TMCO1: variants seen among roughly 807,000 people sequenced by gnomAD.
TMCO1 encodes calcium load-activated calcium channel.
A neutral mutation model predicts 29.3 loss-of-function variants in TMCO1; 29 were observed. The ratio of observed to expected loss-of-function variants is 0.99; its 90% CI spans 0.74 to 1.35. TMCO1 has a LOEUF of 1.35. Ranked by LOEUF, TMCO1 falls within the 40% of genes most tolerant of loss-of-function variation. The pLI is 0.00. For synonymous variants in TMCO1, 80 were observed against 77.1 expected, an observed-to-expected ratio of 1.04 and a Z score of -0.20; for missense variants, 173 against 225.5, an observed-to-expected ratio of 0.77 and a Z score of 1.49.
chr1:165,751,571 G>A (rs1051355922), intron 5 of TMCO1, among the ~76,000 whole-genome samples: 6 of 151,984 alleles, frequency 3.9e-5, no homozygotes, highest in Admixed American at 1.3e-4. Flanking sequence ...GGGCATGGTG[G>A]TGCATGCCTG....
chr1:165,743,430 G>C (rs1651676217), intron 5 of TMCO1, 119 bp from the exon 6 acceptor site: 3 of 1,044,378 alleles, frequency 2.9e-6, no homozygotes, highest in African/African-American at 3.3e-5. Flanking sequence ...GAAAAACAAA[G>C]AGAGGGTGAC....
chr1:165,751,032 T>C (rs898579082), intron 5 of TMCO1, among the ~76,000 whole-genome samples: 3 of 152,106 alleles, frequency 2.0e-5, no homozygotes, highest in Non-Finnish European at 4.4e-5. Context: ...ATCGCGCCAC[T>C]GCACTCCCGC....
Position 165,761,224 on chromosome 1 carries a change from G to C in TMCO1, c.149-1640C>G, listed in dbSNP as rs553537622. On this transcript the variant is annotated intron_variant, in intron 2 of 6. Coordinates refer to ENST00000367881, the MANE Select transcript of TMCO1 (RefSeq NM_019026.6). ...TCTGGAAGACTAAGTAACAGATACTGTTCTAGGTAAATAGAAAGGTAAGAT... is the reference window on the plus strand; with the variant it reads ...TCTGGAAGACTAAGTAACAGATACTCTTCTAGGTAAATAGAAAGGTAAGAT... Among the ~76,000 whole-genome samples, 4 of 152,120 alleles carry C rather than the reference G, an allele frequency of 2.6e-5. 1 individual carries two copies. In the South Asian group the frequency reaches 8.3e-4, roughly 32 times the overall value.
At chr1:165,725,624 T>G (rs1463002082), downstream of TMCO1, 1 of 454,012 alleles carries the variant, frequency 2.2e-6, no homozygotes, top group Non-Finnish European at 4.4e-6. Context: ...TGAGAGATGT[T>G]CAGAGGCCTG....
chr1:165,750,810 C>T (rs1160833407), intron 5 of TMCO1, among the ~76,000 whole-genome samples: 2 of 152,154 alleles, frequency 1.3e-5, no homozygotes, highest in Admixed American at 6.6e-5. Flanking sequence ...TGGCTCACGC[C>T]TGTAATCCCA....
At chr1:165,748,086 G>A (rs1416211090) in intron 5 of TMCO1, among the ~76,000 whole-genome samples, 4 of 151,880 alleles carry the variant, frequency 2.6e-5, no homozygotes, top group African/African-American at 9.7e-5. Context: ...TTGAACCCGG[G>A]AGGTGGAGGT....
chr1:165,753,109 G>A (rs1652060777), intron 4 of TMCO1, among the ~76,000 whole-genome samples: 1 of 152,134 alleles, frequency 6.6e-6, no homozygotes, highest in Non-Finnish European at 1.5e-5. Context: ...AAATAATGAG[G>A]AAATTGGTAG....
intron 6 of TMCO1, among the ~76,000 whole-genome samples, chr1:165,731,580 G>A (rs1407995436): frequency 1.3e-5 from 2 of 152,174 alleles, no homozygotes; most frequent in Admixed American, 6.5e-5. Context: ...TAGGTTTACC[G>A]TGATTTAAAG....
At chr1:165,733,400 G>A (rs1030603720) in intron 6 of TMCO1, among the ~76,000 whole-genome samples, 11 of 152,058 alleles carry the variant, frequency 7.2e-5, no homozygotes, top group African/African-American at 2.2e-4. Context: ...TTGGGAGGCC[G>A]AGGTGGGTGG....
intron 5 of TMCO1, among the ~76,000 whole-genome samples, chr1:165,744,046 G>A (rs73022524): frequency 0.013 from 2,011 of 151,998 alleles, 54 homozygotes; most frequent in African/African-American, 0.047. Flanking sequence ...TTTTAGTAGA[G>A]ACAGGGTTTC....
At position 165,727,708 on chromosome 1, in the gene TMCO1, C is replaced by T. The variant is rs1350702099; in HGVS notation, c.*315G>A. On this transcript the variant is annotated 3_prime_UTR_variant, in exon 7 of 7. Transcript: ENST00000367881. ...GCCAACTTGCAGGGCATACACAGTG[C>T]CTTGAGAGTCGGTCCCACAGAAAAT... 1.5e-5 allele frequency: 7 copies of T among 454,968 alleles called. No individual in the cohort carries two copies. Among genetic ancestry groups the T allele is most frequent in the Non-Finnish European group, 3.1e-5 (7 of 227,552 alleles). 28.2% of individuals were successfully genotyped at this position (454,968 alleles called of 1,614,324 possible).
intron 6 of TMCO1, among the ~76,000 whole-genome samples, chr1:165,741,550 C>A (rs1271514083): frequency 6.6e-6 from 1 of 152,068 alleles, no homozygotes; most frequent in Admixed American, 6.6e-5. Context: ...ATTAAGCAAG[C>A]CAGAATGGGC....
chr1:165,760,424 CT>C (rs1652357213), intron 2 of TMCO1, among the ~76,000 whole-genome samples: 1 of 105,924 alleles, frequency 9.4e-6, no homozygotes, highest in Non-Finnish European at 1.9e-5. Context: ...GAGCGAGACT[CT>C]GTTTCTCAAA....
At chr1:165,730,406 A>G (rs553847121) in intron 6 of TMCO1, among the ~76,000 whole-genome samples, 1 of 152,314 alleles carries the variant, frequency 6.6e-6, no homozygotes, top group South Asian at 2.1e-4. Context: ...AATACAACAG[A>G]ATGTTTAAAT....
chr1:165,727,142 T>C lies in TMCO1; in HGVS notation c.*881A>G, dbSNP rs73018602. 5.6e-3 allele frequency: 2,553 copies of C among 454,044 alleles called. 61 individuals are homozygous for C. Among genetic ancestry groups the C allele is most frequent in the African/African-American group, 0.047 (2,361 of 50,108 alleles). The allele number at this position is 454,044 out of a possible 1,614,324, so 28.1% of individuals were successfully genotyped here. A position where few individuals can be genotyped will look rare whatever the true frequency, so the allele number is the denominator to read the frequency against. The stretch of plus-strand genomic sequence containing the variant: ...GCATGGCAGAAAATGAAGGCTATTG[T>C]GACTAAAAGGAAGCTCTGCGAGATT... On this transcript the variant is annotated 3_prime_UTR_variant, in exon 7 of 7. Transcript: ENST00000367881.
chr1:165,750,214 C>A (rs1168964313), intron 5 of TMCO1, among the ~76,000 whole-genome samples: 1 of 152,026 alleles, frequency 6.6e-6, no homozygotes. Context: ...TCTAAAAATT[C>A]TTTATGATGA....
intron 5 of TMCO1, among the ~76,000 whole-genome samples, chr1:165,749,100 G>A (rs959779764): frequency 6.6e-6 from 1 of 152,136 alleles, no homozygotes; most frequent in Non-Finnish European, 1.5e-5. Flanking sequence ...AAGACATCTT[G>A]ATTCCTTCCA....
chr1:165,752,774 G>A (rs890966613), intron 4 of TMCO1, among the ~76,000 whole-genome samples: 5 of 151,120 alleles, frequency 3.3e-5, no homozygotes, highest in Non-Finnish European at 4.4e-5. Context: ...TGCCCCAGGC[G>A]ACAGAGTGAG....
chr1:165,755,247 T>C (rs976131188), intron 3 of TMCO1, among the ~76,000 whole-genome samples: 1 of 152,212 alleles, frequency 6.6e-6, no homozygotes, highest in African/African-American at 2.4e-5. Context: ...GTAGCAATGA[T>C]GACATCCATT....
Sources: allele counts gnomAD v4.1 joint callset (sites outside exome capture counted in the v4.1 genomes callset), GRCh38; gene constraint gnomAD v4.1.1; transcripts MANE v1.5; gene names NCBI Gene and HGNC (gene_info 2026-07-23, HGNC 2026-07-21).